The following SQOR variants were observed in gnomAD, a reference collection of about 807,000 sequenced individuals.
SQOR encodes the protein sulfide:quinone oxidoreductase, mitochondrial.
SQOR carries 39 observed loss-of-function variants against 48.6 expected under a neutral mutation model. That is an observed-to-expected ratio of 0.80 (90% confidence interval 0.62 to 1.05). The LOEUF is 1.05. Among genes scored for constraint, SQOR ranks in the 50% least tolerant of loss-of-function variants. The pLI is 0.00. For missense variants in SQOR, 561 were observed against 559.9 expected (o/e 1.00, Z -0.02); for synonymous variants, 220 against 206.2 (o/e 1.07, Z -0.57).
intron 3 of SQOR, among the ~76,000 whole-genome samples, chr15:45,664,247 G>A (rs981962075): frequency 2.6e-5 from 4 of 151,948 alleles, no homozygotes; most frequent in African/African-American, 7.3e-5. Flanking sequence ...AACTTTTTTT[G>A]TATTCTTTCT....
intron 5 of SQOR, 27 bp from the exon 6 acceptor site, chr15:45,676,074 T>G (rs1595506974): frequency 1.3e-6 from 2 of 1,589,428 alleles, no homozygotes; most frequent in South Asian, 1.1e-5. Context: ...CATGCTTTGG[T>G]GTGAATGGTT....
In SQOR at chr15:45,688,361, G is replaced by A; in HGVS notation, c.1073G>A (p.Arg358Lys). The A allele has an allele frequency of 5.0e-6, 8 of 1,607,602 alleles. No individual in the cohort carries two copies. The highest frequency in any genetic ancestry group is 5.1e-6 in the Non-Finnish European group (6 of 1,178,258). Residue 358 changes from arginine to lysine, a missense_variant, in exon 8 of 10, where the codon AGG becomes AAG. Arg to Lys is a conservative substitution (Grantham distance 26). Coordinates refer to ENST00000260324, the MANE Select transcript of SQOR (RefSeq NM_021199.4). ...GCTGCCCAGTCAGGAATACTTGATA[G>A]GACAATTTCTGTAATTATGAAGAAT... ...AVAAQSGILDRTISVIMKNQT... is the reference protein window; with the variant it reads ...AVAAQSGILDKTISVIMKNQT...
chr15:45,649,065 C>T (rs1407032907), intron 1 of SQOR, among the ~76,000 whole-genome samples: 2 of 152,252 alleles, frequency 1.3e-5, no homozygotes, highest in African/African-American at 4.8e-5. Context: ...TAGCCAGCAG[C>T]TCTGTTTGAA....
rs79049626 is a variant in SQOR at position 45,661,343 on chromosome 15, A to G, written c.235-612A>G. 9.6e-3 allele frequency among the ~76,000 whole-genome samples: 1,444 copies of G among 151,072 alleles called. 28 individuals are homozygous for G. Among genetic ancestry groups the G allele is most frequent in the African/African-American group, 0.033 (1,358 of 41,156 alleles). On this transcript the variant is annotated intron_variant, in intron 2 of 9. Coordinates refer to ENST00000260324, the MANE Select transcript of SQOR (RefSeq NM_021199.4). ...CCATCTGAAGCAAGAAAACTCCAGA[A>G]GATAGTGAAAGTTTGGGTATGCATT...
At chr15:45,667,483 C>A (rs1465945328) in intron 3 of SQOR, among the ~76,000 whole-genome samples, 2 of 152,046 alleles carry the variant, frequency 1.3e-5, no homozygotes, top group African/African-American at 4.8e-5. Context: ...CACTGTTGTG[C>A]GTAACTGCTC....
At chr15:45,649,635 A>G (rs921376690) in intron 1 of SQOR, among the ~76,000 whole-genome samples, 3 of 151,362 alleles carry the variant, frequency 2.0e-5, no homozygotes, top group African/African-American at 7.4e-5. Context: ...ACCTGCCTCC[A>G]TGCCCAGCTA....
At chr15:45,636,686 G>A (rs1232445571) in intron 1 of SQOR, among the ~76,000 whole-genome samples, 1 of 152,134 alleles carries the variant, frequency 6.6e-6, no homozygotes, top group Non-Finnish European at 1.5e-5. Flanking sequence ...ACAGGCATGA[G>A]CCACTGCGCA....
chr15:45,651,015 C>G (rs1889475090), intron 1 of SQOR, among the ~76,000 whole-genome samples: 1 of 152,320 alleles, frequency 6.6e-6, no homozygotes, highest in Non-Finnish European at 1.5e-5. Flanking sequence ...CGCACCTGCA[C>G]TCCTCAGCCC....
chr15:45,677,035 C>T (rs570662794), intron 6 of SQOR, among the ~76,000 whole-genome samples: 23 of 136,052 alleles, frequency 1.7e-4, no homozygotes, highest in African/African-American at 3.7e-4. Flanking sequence ...AGTGAGACTC[C>T]GTCTAAAAAA....
intron 2 of SQOR, among the ~76,000 whole-genome samples, chr15:45,661,450 A>G (rs1889719406): frequency 6.6e-6 from 1 of 152,174 alleles, no homozygotes. Context: ...AGGGCTGTTC[A>G]GGAAACACAG....
At chr15:45,637,886 TCC>T (rs1895032743) in intron 1 of SQOR, among the ~76,000 whole-genome samples, 2 of 152,236 alleles carry the variant, frequency 1.3e-5, no homozygotes, top group African/African-American at 2.4e-5. Flanking sequence ...GTTTCCCTGC[TCC>T]ACTATCTACT....
chr15:45,687,488 G>A (rs1566924616), intron 7 of SQOR, among the ~76,000 whole-genome samples: 1 of 152,152 alleles, frequency 6.6e-6, no homozygotes, highest in Non-Finnish European at 1.5e-5. Context: ...ATATTTTGGG[G>A]GTGCGAAAAT....
intron 9 of SQOR, among the ~76,000 whole-genome samples, chr15:45,690,699 G>T (rs893146133): frequency 9.8e-5 from 15 of 152,328 alleles, no homozygotes; most frequent in African/African-American, 3.6e-4. Flanking sequence ...AAAGCAGAAA[G>T]AGTAGCAGTT....
intron 2 of SQOR, 74 bp downstream of exon 2, chr15:45,659,231 C>A: frequency 8.0e-7 from 1 of 1,254,250 alleles, no homozygotes; most frequent in Non-Finnish European, 1.1e-6. Context: ...TGTGTGTGTT[C>A]TGGGGTTGGA....
In SQOR at chr15:45,667,967, TAG is replaced by T. The variant is rs1455502799; in HGVS notation, c.406-1958_406-1957del. Reference sequence around the variant, plus strand: ...TTTTTTTTTTTTTTTTTTTTTGAGATAGAGTCTCTCACTGTCACCCATGCTGG... The same window carrying T: ...TTTTTTTTTTTTTTTTTTTTTGAGATAGTCTCTCACTGTCACCCATGCTGG... On this transcript the variant is annotated intron_variant, in intron 3 of 9. Coordinates refer to ENST00000260324, the MANE Select transcript of SQOR (RefSeq NM_021199.4). Among the ~76,000 whole-genome samples the T allele has an allele frequency of 1.7e-3, 221 of 131,624 alleles. 1 individual carries two copies. The highest frequency in any genetic ancestry group is 6.1e-3 in the African/African-American group (217 of 35,808). The allele number at this position is 131,624 out of a possible 152,430, so 86.4% of individuals were successfully genotyped here. A position where few individuals can be genotyped will look rare whatever the true frequency, so the allele number is the denominator to read the frequency against.
At chr15:45,663,908 T>C (rs56183165) in intron 3 of SQOR, among the ~76,000 whole-genome samples, 16,581 of 152,286 alleles carry the variant, frequency 0.11, 953 homozygotes, top group South Asian at 0.18. Flanking sequence ...TTTTAGGCAT[T>C]AAGGATATGT....
intron 3 of SQOR, among the ~76,000 whole-genome samples, chr15:45,663,948 A>G (rs1889766636): frequency 6.6e-6 from 1 of 152,226 alleles, no homozygotes; most frequent in African/African-American, 2.4e-5. Context: ...ACAAATTCTT[A>G]TTGAACTGGA....
intron 1 of SQOR, among the ~76,000 whole-genome samples, chr15:45,637,821 G>A (rs1895031154): frequency 6.6e-6 from 1 of 152,326 alleles, no homozygotes; most frequent in South Asian, 2.1e-4. Flanking sequence ...GAATGGAGAC[G>A]GACCCATGAC....
chr15:45,632,283 G>A (rs1172364295), upstream of SQOR, among the ~76,000 whole-genome samples: 1 of 149,474 alleles, frequency 6.7e-6, no homozygotes, highest in Admixed American at 6.8e-5. Context: ...GCAGTGGCAC[G>A]ATCTTGGCTC....
Sources: gnomAD v4.1 joint callset for allele counts (sites outside exome capture counted in the v4.1 genomes callset) on GRCh38, gnomAD v4.1.1 for gene constraint, MANE v1.5 for transcripts, NCBI Gene and HGNC (gene_info 2026-07-23, HGNC 2026-07-21) for gene names.